The following ULK1 variants were observed in gnomAD, a reference collection of about 807,000 sequenced individuals.
The protein encoded by ULK1 is serine/threonine-protein kinase ULK1.
Under a neutral mutation model 117.5 loss-of-function variants are expected in ULK1, and 48 were observed. The observed-to-expected ratio is 0.41, with a 90% CI of 0.32 to 0.52. The LOEUF is 0.52. Among genes scored for constraint, ULK1 ranks in the 20% least tolerant of loss-of-function variants. ULK1 has a pLI of 0.29. For missense variants in ULK1, 1,387 were observed against 1,473.4 expected (o/e 0.94, Z 0.96); for synonymous variants, 790 against 637.8 (o/e 1.24, Z -3.60).
At position 131,913,820 on chromosome 12, in the gene ULK1, T is replaced by TC; in HGVS notation, c.1236dup (p.Ser413GlnfsTer33). On this transcript the variant is annotated frameshift_variant, in exon 15 of 28. Transcript: ENST00000321867. LOFTEE classifies it high-confidence loss of function. The stretch of plus-strand genomic sequence containing the variant: ...ATCTCCATCCCCACCCTGCAGCAGC[T>TC]CCCCCAGTCCCTCAGGGTAAGCAGG... 6.5e-7 allele frequency: 1 copy of TC among 1,549,848 alleles called. No homozygotes were observed. The highest frequency in any genetic ancestry group is 8.7e-7 in the Non-Finnish European group (1 of 1,147,940).
Position 131,903,300 on chromosome 12 carries a change from G to T in ULK1, c.247-3592G>T, listed in dbSNP as rs1035587213. Among the ~76,000 whole-genome samples the T allele has an allele frequency of 6.6e-6, 1 of 152,202 alleles. No homozygotes were observed. The highest frequency in any genetic ancestry group is 1.5e-5 in the Non-Finnish European group (1 of 68,030). On this transcript the variant is annotated intron_variant, in intron 3 of 27. Transcript: ENST00000321867. The surrounding 1 kb of genome is among the most constrained non-coding windows in gnomAD (Gnocchi z 6.0). ...AGACAGCAAGGCTAGGTCCTTCCGG[G>T]GACACAGAGGGTGACTGGCTTGGCA... is the stretch of plus-strand genomic sequence containing the variant.
intron 12 of ULK1, among the ~76,000 whole-genome samples, chr12:131,911,740 C>T (rs1425035172): frequency 1.3e-5 from 2 of 152,114 alleles, no homozygotes; most frequent in Non-Finnish European, 2.9e-5. Context: ...CCTGTCCCTG[C>T]GAGGTCAAAG....
At chr12:131,910,648 T>G (rs1322212418) in intron 11 of ULK1, 64 bp from the exon 12 acceptor site, 2 of 1,612,444 alleles carry the variant, frequency 1.2e-6, no homozygotes, top group African/African-American at 2.7e-5. Flanking sequence ...AGTCTGTGGG[T>G]TGGCTCGAGG....
chr12:131,922,275 C>A lies in ULK1; in HGVS notation c.*914C>A, dbSNP rs908879571. 7 of 347,494 alleles carry A rather than the reference C, an allele frequency of 2.0e-5. No individual in the cohort carries two copies. Among genetic ancestry groups the A allele is most frequent in the African/African-American group, 1.3e-4 (6 of 46,474 alleles). The allele number at this position is 347,494 out of a possible 1,614,324, so 21.5% of individuals were successfully genotyped here. Reference sequence around the variant, plus strand: ...AGATGGCACAGGGGCGTGTGGCGGGCGGGTGAGGCTGCTTTGCACACCTGT... The same window carrying A: ...AGATGGCACAGGGGCGTGTGGCGGGAGGGTGAGGCTGCTTTGCACACCTGT... On this transcript the variant is annotated 3_prime_UTR_variant, in exon 28 of 28. Coordinates refer to ENST00000321867, the MANE Select transcript of ULK1 (RefSeq NM_003565.4).
At position 131,916,415 on chromosome 12, in the gene ULK1, C is replaced by T; in HGVS notation, c.1896C>T (p.Asp632=). 6.3e-7 allele frequency: 1 copy of T among 1,588,396 alleles called. No individual in the cohort carries two copies. Among genetic ancestry groups the T allele is most frequent in the African/African-American group, 1.4e-5 (1 of 73,842 alleles). ...CCTCCTAGGCTGTGCCCTCCTTTGA[C>T]TTCCCGAAGACCCCCAGCTCCCAGA... The part of the protein sequence containing the change: ...GSPTKAVPSF[D]FPKTPSSQNL... Residue 632 remains aspartate, a synonymous_variant, in exon 20 of 28, where the codon GAC becomes GAT. Coordinates refer to ENST00000321867, the MANE Select transcript of ULK1 (RefSeq NM_003565.4).
Position 131,918,502 on chromosome 12 carries a change from C to A in ULK1, c.2332C>A (p.Pro778Thr). The change falls in exon 23 of 28, where the codon CCC becomes ACC. Residue 778 changes from proline (P) to threonine (T), a missense_variant. By Grantham distance (38) the Pro-to-Thr change is conservative. Transcript: ENST00000321867. The part of the protein sequence containing the change: ...GPRTRMFSAG[P>T]TGSASSSARH... ...TCATCGCCCTCTCCCTGCAGCGGGC[C>A]CCACTGGCTCTGCCAGCTCTTCTGC... is the stretch of plus-strand genomic sequence containing the variant. The A allele has an allele frequency of 6.2e-7, 1 of 1,609,542 alleles. No individual in the cohort carries two copies. Among genetic ancestry groups the A allele is most frequent in the Non-Finnish European group, 8.5e-7 (1 of 1,178,564 alleles).
chr12:131,918,219 G>C (rs993432130), intron 22 of ULK1: 2 of 534,958 alleles, frequency 3.7e-6, no homozygotes, highest in Admixed American at 3.5e-5. Context: ...GGCAGATCTG[G>C]GCTGGGGGTC....
chr12:131,907,814 G>A (rs1435699155), intron 5 of ULK1, among the ~76,000 whole-genome samples: 1 of 151,996 alleles, frequency 6.6e-6, no homozygotes, highest in African/African-American at 2.4e-5. Flanking sequence ...GGTGGGGGCT[G>A]TTGTCTTCAT....
At position 131,917,302 on chromosome 12, in the gene ULK1, T is replaced by TCGGAGGCTGTGGGA. The variant is rs1566127101; in HGVS notation, c.2183-109_2183-108insCGGAGGCTGTGGGA. 7.5e-4 allele frequency: 126 copies of TCGGAGGCTGTGGGA among 168,726 alleles called. 48 individuals carry two copies. Among genetic ancestry groups the TCGGAGGCTGTGGGA allele is most frequent in the African/African-American group, 2.1e-3 (26 of 12,118 alleles). The allele number at this position is 168,726 out of a possible 1,614,324, so 10.5% of individuals were successfully genotyped here. A position where few individuals can be genotyped will look rare whatever the true frequency, so the allele number is the denominator to read the frequency against. ...CGGCTCGGAGGCTGTGGGACGGGGG[T>TCGGAGGCTGTGGGA]TGGGGGGAGCTCGGAGGCCGTGGGA... On this transcript the variant is annotated intron_variant, in intron 21 of 27. Transcript: ENST00000321867.
intron 22 of ULK1, 71 bp from the exon 23 acceptor site, chr12:131,918,426 T>G (rs1369113477): frequency 1.3e-6 from 2 of 1,507,828 alleles, no homozygotes; most frequent in African/African-American, 2.8e-5. Flanking sequence ...GGTGTGGGAG[T>G]CTGTGGGGGA....
Position 131,903,673 on chromosome 12 carries a change from C to T in ULK1, c.247-3219C>T, listed in dbSNP as rs1434784796. 1.3e-5 allele frequency among the ~76,000 whole-genome samples: 2 copies of T among 152,144 alleles called. No individual in the cohort carries two copies. Among genetic ancestry groups the T allele is most frequent in the Non-Finnish European group, 2.9e-5 (2 of 68,010 alleles). ...GCCCCCACCCTACCCTGCAGCCCCA[C>T]CCCCAGTGGCCTTGAGTCACCTGCT... is the stretch of plus-strand genomic sequence containing the variant. On this transcript the variant is annotated intron_variant, in intron 3 of 27. Coordinates refer to ENST00000321867, the MANE Select transcript of ULK1 (RefSeq NM_003565.4). The surrounding 1 kb of genome is among the most constrained non-coding windows in gnomAD (Gnocchi z 6.0).
In ULK1 at chr12:131,915,334, G is replaced by A. The variant is rs1889726790; in HGVS notation, c.1523-1G>A. On this transcript the variant is annotated splice_acceptor_variant, in intron 17 of 27. Coordinates refer to ENST00000321867, the MANE Select transcript of ULK1 (RefSeq NM_003565.4). LOFTEE classifies it high-confidence loss of function. ...CCTGACAGATCTCTCTTTTCCCCAAGTTGGAACCATCCCTGAGCGGCCAGG... is the reference window on the plus strand; with the variant it reads ...CCTGACAGATCTCTCTTTTCCCCAAATTGGAACCATCCCTGAGCGGCCAGG... 6.2e-7 allele frequency: 1 copy of A among 1,612,632 alleles called. No individual in the cohort carries two copies. The highest frequency in any genetic ancestry group is 1.3e-5 in the African/African-American group (1 of 74,954).
chr12:131,923,112 T>C lies in ULK1; in HGVS notation c.*1751T>C, dbSNP rs1214036746. 1 of 152,240 alleles carries C rather than the reference T, an allele frequency of 6.6e-6. No homozygotes were observed. The highest frequency in any genetic ancestry group is 1.5e-5 in the Non-Finnish European group (1 of 68,030). The allele number at this position is 152,240 out of a possible 1,614,324, so 9.4% of individuals were successfully genotyped here. A position where few individuals can be genotyped will look rare whatever the true frequency, so the allele number is the denominator to read the frequency against. ...ATTTCCTGCCCTTTGCGTTATATTG[T>C]ATAATACCAACGTAAGGAAATAAAC... On this transcript the variant is annotated 3_prime_UTR_variant, in exon 28 of 28. Coordinates refer to ENST00000321867, the MANE Select transcript of ULK1 (RefSeq NM_003565.4).
intron 19 of ULK1, 60 bp from the exon 20 acceptor site, chr12:131,916,338 C>A: frequency 6.6e-7 from 1 of 1,523,420 alleles, no homozygotes; most frequent in Non-Finnish European, 8.8e-7. Flanking sequence ...CTTCCCCAGG[C>A]ACCGGGCCCC....
chr12:131,900,708 CT>C (rs1889051073), intron 3 of ULK1, among the ~76,000 whole-genome samples: 1 of 152,292 alleles, frequency 6.6e-6, no homozygotes. Context: ...CCAGGTGTGA[CT>C]CACTCAGGCC....
intron 12 of ULK1, 144 bp from the exon 13 acceptor site, chr12:131,911,798 C>T (rs11615995): frequency 0.71 from 811,538 of 1,138,664 alleles, 298,676 homozygotes; most frequent in Middle Eastern, 0.79. Context: ...GAGCGGAGCA[C>T]AGGAAGAAAG....
At position 131,908,816 on chromosome 12, in the gene ULK1, C is replaced by G; in HGVS notation, c.489C>G (p.Ile163Met). 6.2e-7 allele frequency: 1 copy of G among 1,605,566 alleles called. No homozygotes were observed. The highest frequency in any genetic ancestry group is 1.1e-5 in the South Asian group (1 of 90,654). ...ACCCCAACAGCATCCGCGTCAAGAT[C>G]GGTCAGCCCGCGGGCAGGCAGGCGG... The part of the protein sequence containing the change: ...RANPNSIRVK[I>M]ADFGFARYLQ... Residue 163 changes from isoleucine (I) to methionine (M), a missense_variant and splice_region_variant, in exon 6 of 28, where the codon ATC (isoleucine) becomes ATG (methionine). This residue lies in a region of ULK1 where 224 missense variants were observed against 325.2 expected (regional missense o/e 0.69). Coordinates refer to ENST00000321867, the MANE Select transcript of ULK1 (RefSeq NM_003565.4).
chr12:131,910,004 G>A lies in ULK1; in HGVS notation c.808+3G>A, dbSNP rs376418172. The A allele has an allele frequency of 1.2e-6, 2 of 1,611,412 alleles. No homozygotes were observed. Among genetic ancestry groups the A allele is most frequent in the East Asian group, 2.2e-5 (1 of 44,876 alleles). On this transcript the variant is annotated splice_donor_region_variant and intron_variant, in intron 10 of 27. Transcript: ENST00000321867. The stretch of plus-strand genomic sequence containing the variant: ...CCACAAGGACCGCATGGACTTCGGT[G>A]AGCACCCACCAGGGGCGCAGCTGGA...
At position 131,915,897 on chromosome 12, in the gene ULK1, C is replaced by T. The variant is rs1889756498; in HGVS notation, c.1616C>T (p.Ser539Phe). 1 of 1,610,728 alleles carries T rather than the reference C, an allele frequency of 6.2e-7. No homozygotes were observed. The highest frequency in any genetic ancestry group is 8.5e-7 in the Non-Finnish European group (1 of 1,179,798). Residue 539 changes from serine to phenylalanine, a missense_variant, in exon 19 of 28, where the codon TCT (serine) becomes TTT (phenylalanine). By Grantham distance (155) the Ser-to-Phe change is radical (BLOSUM62 -2). This residue lies in a region of ULK1 where 900 missense variants were observed against 858.9 expected (regional missense o/e 1.05). Coordinates refer to ENST00000321867, the MANE Select transcript of ULK1 (RefSeq NM_003565.4). ...GAGGCGTGTCTCTCTCTAGGCTCCT[C>T]TGCACCCGAGCACTCTCCCCGCACT... The part of the protein sequence containing the change: ...RGGRSPRPGS[S>F]APEHSPRTSG...
Sources: gnomAD v4.1 joint callset for allele counts (sites outside exome capture counted in the v4.1 genomes callset) on GRCh38, gnomAD v4.1.1 for gene constraint, gnomAD v4.1.1 regional missense constraint, Gnocchi (gnomAD v3.1) non-coding constraint, MANE v1.5 for transcripts, NCBI Gene and HGNC (gene_info 2026-07-23, HGNC 2026-07-21) for gene names.